The following CCN4 variants were observed in gnomAD, a reference collection of about 807,000 sequenced individuals.
The protein encoded by CCN4 is cellular communication network factor 4.
A neutral mutation model predicts 36.7 loss-of-function variants in CCN4; 30 were observed. The observed-to-expected ratio is 0.82, with a 90% CI of 0.61 to 1.11. The LOEUF is 1.11. Ranked by LOEUF, CCN4 falls within the 50% of genes least tolerant of loss-of-function variation. The pLI is 0.00. For synonymous variants in CCN4, 191 were observed against 195.4 expected, an observed-to-expected ratio of 0.98 and a Z score of 0.19; for missense variants, 505 against 504.9, an observed-to-expected ratio of 1.00 and a Z score of 0.00.
rs115697289 is a variant in CCN4, at chr8:133,201,966, T to C, written c.69+10753T>C. On this transcript the variant is annotated intron_variant, in intron 1 of 4. Coordinates refer to ENST00000250160, the MANE Select transcript of CCN4 (RefSeq NM_003882.4). ...GCCGATGCGTATGTAGGGTTCGTTATATTATTCTCTCAACGTGGGTGAATA... is the reference window on the plus strand; with the variant it reads ...GCCGATGCGTATGTAGGGTTCGTTACATTATTCTCTCAACGTGGGTGAATA... Among the ~76,000 whole-genome samples the C allele has an allele frequency of 2.3e-3, 353 of 152,342 alleles. 3 individuals are homozygous for C. Among genetic ancestry groups the C allele is most frequent in the African/African-American group, 8.2e-3 (340 of 41,574 alleles).
In CCN4 at chr8:133,231,450, T is replaced by TG. The variant is rs1207004132; in HGVS notation, c.*3743dup. On this transcript the variant is annotated 3_prime_UTR_variant, in exon 5 of 5. Coordinates refer to ENST00000250160, the MANE Select transcript of CCN4 (RefSeq NM_003882.4). Reference sequence around the variant, plus strand: ...TTTCCAATAGAGGAAAAATAACACTTGGGCAATCTGTCATGTTTCACAACA... The same window carrying TG: ...TTTCCAATAGAGGAAAAATAACACTTGGGGCAATCTGTCATGTTTCACAACA... The TG allele has an allele frequency of 6.6e-6, 1 of 152,206 alleles. No individual in the cohort carries two copies. Among genetic ancestry groups the TG allele is most frequent in the Non-Finnish European group, 1.5e-5 (1 of 68,032 alleles). The allele number at this position is 152,206 out of a possible 1,614,324, so 9.4% of individuals were successfully genotyped here. A position where few individuals can be genotyped will look rare whatever the true frequency, so the allele number is the denominator to read the frequency against.
intron 1 of CCN4, among the ~76,000 whole-genome samples, chr8:133,194,454 G>T (rs1564248119): frequency 1.2e-5 from 1 of 85,642 alleles, no homozygotes; most frequent in Non-Finnish European, 2.2e-5. Context: ...TGTGTGTGTG[G>T]TATGTGTGTG....
intron 1 of CCN4, among the ~76,000 whole-genome samples, chr8:133,206,812 T>C (rs1426756021): frequency 1.1e-4 from 17 of 152,118 alleles, no homozygotes; most frequent in Non-Finnish European, 7.4e-5. Context: ...GGTTCTAAGA[T>C]GTGACCTCGC....
intron 1 of CCN4, among the ~76,000 whole-genome samples, chr8:133,194,614 G>A (rs1337850453): frequency 8.3e-6 from 1 of 120,146 alleles, no homozygotes; most frequent in Non-Finnish European, 1.7e-5. Flanking sequence ...GTGTGGGTTT[G>A]TGTAGTGTGT....
At chr8:133,215,585 G>C (rs756684993) in intron 2 of CCN4, among the ~76,000 whole-genome samples, 1 of 152,058 alleles carries the variant, frequency 6.6e-6, no homozygotes, top group East Asian at 1.9e-4. Flanking sequence ...TGTCCTGCCT[G>C]CCTTCCCCAC....
intron 1 of CCN4, among the ~76,000 whole-genome samples, chr8:133,203,129 G>A (rs1853648895): frequency 6.6e-6 from 1 of 152,206 alleles, no homozygotes. Flanking sequence ...CAAGGCCTCC[G>A]ACCGTCCACA....
chr8:133,194,685 G>GTT (rs1853282797), intron 1 of CCN4, among the ~76,000 whole-genome samples: 1 of 118,036 alleles, frequency 8.5e-6, no homozygotes, highest in Non-Finnish European at 1.7e-5. Context: ...TGTGTGTGTG[G>GTT]TGTGTGTGTG....
intron 3 of CCN4, among the ~76,000 whole-genome samples, chr8:133,223,342 A>T (rs909904154): frequency 6.6e-6 from 1 of 151,786 alleles, no homozygotes; most frequent in African/African-American, 2.4e-5. Context: ...CTCCTGGGCA[A>T]TTCCCTCCCC....
intron 2 of CCN4, 152 bp from the exon 3 acceptor site, chr8:133,220,429 T>C: frequency 8.7e-7 from 1 of 1,148,436 alleles, no homozygotes; most frequent in East Asian, 2.6e-5. Context: ...CTCTCACACC[T>C]CCCTGCCTTT....
intron 1 of CCN4, among the ~76,000 whole-genome samples, chr8:133,207,270 G>T (rs758428046): frequency 1.3e-5 from 2 of 152,264 alleles, no homozygotes; most frequent in Admixed American, 6.5e-5. Flanking sequence ...CCGAATGGCA[G>T]CTTAGGCTGG....
In CCN4 at chr8:133,191,048, G is replaced by T; in HGVS notation, c.-97G>T. ...GGGCTGCGGAAGAGGCATATCTGGTGCTCCTGATGGGCCGGCCAGTCTGGG... is the reference window on the plus strand; with the variant it reads ...GGGCTGCGGAAGAGGCATATCTGGTTCTCCTGATGGGCCGGCCAGTCTGGG... On this transcript the variant is annotated 5_prime_UTR_variant, in exon 1 of 5. Transcript: ENST00000250160. 1 of 1,308,198 alleles carries T rather than the reference G, an allele frequency of 7.6e-7. No individual in the cohort carries two copies. Among genetic ancestry groups the T allele is most frequent in the Non-Finnish European group, 1.1e-6 (1 of 925,600 alleles). The allele number at this position is 1,308,198 out of a possible 1,614,324, so 81.0% of individuals were successfully genotyped here. A position where few individuals can be genotyped will look rare whatever the true frequency, so the allele number is the denominator to read the frequency against.
chr8:133,220,814 A>G lies in CCN4; in HGVS notation c.583A>G (p.Thr195Ala). 1 of 1,605,532 alleles carries G rather than the reference A, an allele frequency of 6.2e-7. No homozygotes were observed. The highest frequency in any genetic ancestry group is 8.5e-7 in the Non-Finnish European group (1 of 1,174,740). Residue 195 changes from threonine to alanine, a missense_variant, in exon 3 of 5, where the codon ACC becomes GCC. Transcript: ENST00000250160. ...GGACGACGCCAAGAGGCCACGCAAG[A>G]CCGCACCCCGTGACACAGGAGCCTT... ...CEDDAKRPRKTAPRDTGAFDA... is the reference protein window; with the variant it reads ...CEDDAKRPRKAAPRDTGAFDA...
At chr8:133,202,749 G>A (rs2130546686) in intron 1 of CCN4, among the ~76,000 whole-genome samples, 1 of 152,316 alleles carries the variant, frequency 6.6e-6, no homozygotes, top group East Asian at 1.9e-4. Context: ...TTTCAAAGGT[G>A]ATCTACCCAG....
At chr8:133,219,945 CA>C (rs1854457259) in intron 2 of CCN4, among the ~76,000 whole-genome samples, 1 of 152,148 alleles carries the variant, frequency 6.6e-6, no homozygotes, top group Admixed American at 6.6e-5. Flanking sequence ...GCTAGCTGAA[CA>C]TTTTTTTCTA....
rs1854782227 is a variant in CCN4, at chr8:133,227,477, A to T, written c.871A>T (p.Ile291Phe). The T allele has an allele frequency of 1.2e-6, 2 of 1,614,240 alleles. No individual in the cohort carries two copies. Among genetic ancestry groups the T allele is most frequent in the Non-Finnish European group, 1.7e-6 (2 of 1,180,042 alleles). The change falls in exon 5 of 5, where the codon ATC becomes TTC. Residue 291 changes from isoleucine to phenylalanine, a missense_variant. Transcript: ENST00000250160. ...ASMNFTLAGC[I>F]STRSYQPKYC... ...CATGAACTTCACACTTGCGGGCTGC[A>T]TCAGCACACGCTCCTATCAACCCAA... is the stretch of plus-strand genomic sequence containing the variant.
chr8:133,227,419 G>A lies in CCN4; in HGVS notation c.813G>A (p.Lys271=). 1 of 1,609,676 alleles carries A rather than the reference G, an allele frequency of 6.2e-7. No homozygotes were observed. The highest frequency in any genetic ancestry group is 8.5e-7 in the Non-Finnish European group (1 of 1,176,916). Residue 271 remains lysine, a synonymous_variant, in exon 5 of 5, where the codon AAG becomes AAA. Coordinates refer to ENST00000250160, the MANE Select transcript of CCN4 (RefSeq NM_003882.4). The stretch of plus-strand genomic sequence containing the variant: ...CCTTTCCTTTCCTTCAGGCAGGGAA[G>A]AAGTGTCTGGCTGTGTACCAGCCAG... ...VDIHTLIKAG[K]KCLAVYQPEA... is the part of the protein sequence containing the mutation.
At chr8:133,194,673 G>GGT (rs1171503280) in intron 1 of CCN4, among the ~76,000 whole-genome samples, 4 of 120,236 alleles carry the variant, frequency 3.3e-5, no homozygotes, top group African/African-American at 1.3e-4. Context: ...TGGGGGATGT[G>GGT]GTGTGTGTGT....
intron 2 of CCN4, among the ~76,000 whole-genome samples, chr8:133,219,942 G>T (rs1213362660): frequency 6.6e-6 from 1 of 152,130 alleles, no homozygotes; most frequent in Non-Finnish European, 1.5e-5. Flanking sequence ...GCAGCTAGCT[G>T]AACATTTTTT....
At chr8:133,191,569 G>A (rs1292846653) in intron 1 of CCN4, among the ~76,000 whole-genome samples, 1 of 152,142 alleles carries the variant, frequency 6.6e-6, no homozygotes, top group Non-Finnish European at 1.5e-5. Flanking sequence ...CCTCGGGTGG[G>A]TCACTCACCC....
Sources: allele counts gnomAD v4.1 joint callset (sites outside exome capture counted in the v4.1 genomes callset), GRCh38; gene constraint gnomAD v4.1.1; transcripts MANE v1.5; gene names NCBI Gene and HGNC (gene_info 2026-07-23, HGNC 2026-07-21).